The following KIDINS220 variants were observed in gnomAD, a reference collection of about 807,000 sequenced individuals.
The protein encoded by KIDINS220 is kinase D-interacting substrate of 220 kDa.
A neutral mutation model predicts 157.6 loss-of-function variants in KIDINS220; 63 were observed. The observed-to-expected ratio is 0.40, with a 90% CI of 0.33 to 0.49. The LOEUF (loss-of-function observed/expected upper bound fraction) is 0.49. KIDINS220 is among the 20% of genes least tolerant of loss of function. KIDINS220 has a pLI of 0.66. For synonymous variants in KIDINS220, 732 were observed against 783.6 expected (o/e 0.93, Z 1.10); for missense variants, 1,772 against 2,171.2 (o/e 0.82, Z 3.65).
chr2:8,767,802 A>G (rs1669672750), intron 22 of KIDINS220, among the ~76,000 whole-genome samples: 1 of 152,236 alleles, frequency 6.6e-6, no homozygotes, highest in Non-Finnish European at 1.5e-5. Flanking sequence ...TATAGAAATA[A>G]CATTACTTGA....
intron 17 of KIDINS220, 59 bp from the exon 18 acceptor site, chr2:8,779,873 A>G: frequency 5.1e-6 from 8 of 1,557,922 alleles, no homozygotes; most frequent in Middle Eastern, 3.4e-4. Context: ...GCTTAAACAT[A>G]TTTCTTAGAA....
At chr2:8,819,679 G>A (rs1263662745) in intron 2 of KIDINS220, among the ~76,000 whole-genome samples, 2 of 152,042 alleles carry the variant, frequency 1.3e-5, no homozygotes, top group Admixed American at 6.6e-5. Context: ...CAAAAAATTA[G>A]CCAGACGTGG....
intron 24 of KIDINS220, chr2:8,749,482 C>G: frequency 2.2e-6 from 1 of 448,360 alleles, no homozygotes; most frequent in Non-Finnish European, 4.5e-6. Flanking sequence ...GCCTACTAAA[C>G]TTGACAGGGC....
chr2:8,831,751 C>T (rs772637087), intron 1 of KIDINS220, among the ~76,000 whole-genome samples: 1 of 152,222 alleles, frequency 6.6e-6, no homozygotes, highest in Non-Finnish European at 1.5e-5. Flanking sequence ...CAGCCCCTGA[C>T]TGTCGGGAAC....
chr2:8,759,697 C>T (rs989131929), intron 22 of KIDINS220, among the ~76,000 whole-genome samples: 5 of 151,564 alleles, frequency 3.3e-5, no homozygotes, highest in Admixed American at 6.6e-5. Context: ...TCTACGACGT[C>T]GAATGTTCTG....
At chr2:8,782,820 T>G (rs1279484948) in intron 17 of KIDINS220, among the ~76,000 whole-genome samples, 1 of 152,176 alleles carries the variant, frequency 6.6e-6, no homozygotes, top group Non-Finnish European at 1.5e-5. Context: ...AAAAGAATTA[T>G]ACACCACAAT....
intron 10 of KIDINS220, among the ~76,000 whole-genome samples, chr2:8,797,101 G>A (rs552421075): frequency 4.4e-4 from 67 of 152,240 alleles, no homozygotes; most frequent in Middle Eastern, 3.4e-3. Flanking sequence ...CCAGCTGCTC[G>A]TAAGCTACAG....
Position 8,837,507 on chromosome 2 carries a change from CCG to C in KIDINS220, c.-66_-65del, listed in dbSNP as rs1168699788. On this transcript the variant is annotated 5_prime_UTR_variant, in exon 1 of 30. Coordinates refer to ENST00000256707, the MANE Select transcript of KIDINS220 (RefSeq NM_020738.4). ...GGTCCTCAGCTCCGGCGGAACGGGC[CCG>C]CTCGGCTGCAGGCGATGTCAGAGGA... 6.6e-6 allele frequency: 1 copy of C among 152,362 alleles called. No individual in the cohort carries two copies. Among genetic ancestry groups the C allele is most frequent in the Non-Finnish European group, 1.5e-5 (1 of 68,134 alleles). The allele number at this position is 152,362 out of a possible 1,614,324, so 9.4% of individuals were successfully genotyped here.
chr2:8,782,070 C>T (rs1671801062), intron 17 of KIDINS220, among the ~76,000 whole-genome samples: 2 of 151,982 alleles, frequency 1.3e-5, no homozygotes, highest in African/African-American at 4.8e-5. Context: ...GCTGGGATCG[C>T]ACCACTGCAC....
intron 22 of KIDINS220, chr2:8,757,108 A>T (rs552271157): frequency 3.8e-6 from 1 of 264,428 alleles, no homozygotes; most frequent in South Asian, 1.5e-4. Context: ...CAATCTTTGC[A>T]AATTCATTTT....
At position 8,810,312 on chromosome 2, in the gene KIDINS220, T is replaced by G. The variant is rs1261797819; in HGVS notation, c.504+2083A>C. Reference sequence around the variant, plus strand: ...ATTTTTTCTTTGTTTTTGTATCTTCTGTGCTAAGTGCAGGTACAGGGCACT... The same window carrying G: ...ATTTTTTCTTTGTTTTTGTATCTTCGGTGCTAAGTGCAGGTACAGGGCACT... On this transcript the variant is annotated intron_variant, in intron 6 of 29. Transcript: ENST00000256707. Among the ~76,000 whole-genome samples the G allele has an allele frequency of 2.0e-5, 3 of 152,338 alleles. No homozygotes were observed. The East Asian group carries it at 5.8e-4, about 29-fold the overall frequency.
chr2:8,732,388 T>G (rs1664245677), intron 29 of KIDINS220, among the ~76,000 whole-genome samples: 1 of 152,238 alleles, frequency 6.6e-6, no homozygotes, highest in South Asian at 2.1e-4. Context: ...ATGTCCCACA[T>G]GCTCGGCCAC....
downstream of KIDINS220, chr2:8,725,282 TAAC>T (rs1663210117): frequency 1.3e-5 from 2 of 152,156 alleles, no homozygotes; most frequent in South Asian, 4.1e-4. Context: ...AATTTGAAAA[TAAC>T]AATCTTTTTA....
At chr2:8,834,360 G>A (rs912861227) in intron 1 of KIDINS220, among the ~76,000 whole-genome samples, 12 of 151,600 alleles carry the variant, frequency 7.9e-5, no homozygotes, top group African/African-American at 2.9e-4. Context: ...CCTTCTCCTT[G>A]ACTCTACTCA....
At chr2:8,804,387 A>C (rs1446571542) in intron 7 of KIDINS220, among the ~76,000 whole-genome samples, 3 of 152,326 alleles carry the variant, frequency 2.0e-5, no homozygotes, top group African/African-American at 4.8e-5. Context: ...TTATGCATAA[A>C]TATTGTTTCT....
In KIDINS220 at chr2:8,789,945, G is replaced by A. The variant is rs376485014; in HGVS notation, c.1556C>T (p.Thr519Met). 23 of 1,613,786 alleles carry A rather than the reference G, an allele frequency of 1.4e-5. No individual in the cohort carries two copies. In the East Asian group the frequency reaches 1.6e-4, roughly 11 times the overall value. The change falls in exon 14 of 30, where the codon ACG becomes ATG. Residue 519 changes from threonine (T) to methionine (M), a missense_variant. By Grantham distance (81) the Thr-to-Met change is moderately conservative. Transcript: ENST00000256707. Reference protein sequence around the residue: ...CGGLGLLFAFTVHPNLGIAVS... With the variant: ...CGGLGLLFAFMVHPNLGIAVS... ...TGCTATTCCAAGATTTGGGTGGACC[G>A]TGAAGGCAAACAATAAACCAAGCCC...
intron 22 of KIDINS220, among the ~76,000 whole-genome samples, chr2:8,767,367 T>TA (rs1197896584): frequency 6.6e-6 from 1 of 152,030 alleles, no homozygotes; most frequent in Non-Finnish European, 1.5e-5. Context: ...AAGCTATATA[T>TA]AAAAAACACC....
intron 26 of KIDINS220, among the ~76,000 whole-genome samples, chr2:8,738,558 T>C (rs1023356342): frequency 1.3e-5 from 2 of 152,242 alleles, no homozygotes; most frequent in Non-Finnish European, 2.9e-5. Flanking sequence ...GCATCACTCC[T>C]GCAGTTTTCT....
Position 8,738,889 on chromosome 2 carries a change from T to C in KIDINS220, c.3586-1890A>G, listed in dbSNP as rs139141661. Among the ~76,000 whole-genome samples the C allele has an allele frequency of 4.6e-4, 70 of 152,370 alleles. 1 individual carries two copies. The highest frequency in any genetic ancestry group is 1.1e-3 in the African/African-American group (45 of 41,596). ...ACTACAGTTATGAAAGATGTTTACA[T>C]TGACAGAATAGCATTTTTTGCATCT... On this transcript the variant is annotated intron_variant, in intron 26 of 29. Coordinates refer to ENST00000256707, the MANE Select transcript of KIDINS220 (RefSeq NM_020738.4).
Sources: allele counts gnomAD v4.1 joint callset (sites outside exome capture counted in the v4.1 genomes callset), GRCh38; gene constraint gnomAD v4.1.1; transcripts MANE v1.5; gene names NCBI Gene and HGNC (gene_info 2026-07-23, HGNC 2026-07-21).